Variants in APOL6 observed in about 807,000 individuals in gnomAD.
APOL6 encodes apolipoprotein L, 6.
In APOL6, 1 loss-of-function variant was observed where a neutral mutation model predicts 2.4. The ratio of observed to expected loss-of-function variants is 0.41; its 90% confidence interval spans 0.15 to 1.94. The LOEUF (loss-of-function observed/expected upper bound fraction) is 1.94, where lower values mean the gene tolerates loss of function less well. APOL6 is among the 30% of genes most tolerant of loss of function. APOL6 has a pLI of 0.30. For missense variants in APOL6, 438 were observed against 429.2 expected (o/e 1.02, Z -0.18); for synonymous variants, 189 against 169.3 (o/e 1.12, Z -0.90).
At chr22:35,651,554 C>T (rs914794403) in intron 1 of APOL6, among the ~76,000 whole-genome samples, 1 of 152,136 alleles carries the variant, frequency 6.6e-6, no homozygotes, top group South Asian at 2.1e-4. Context: ...CCACTCCCCC[C>T]ACCCCACAAC....
intron 1 of APOL6, among the ~76,000 whole-genome samples, chr22:35,652,344 G>T (rs1350270925): frequency 6.6e-6 from 1 of 151,762 alleles, no homozygotes; most frequent in Non-Finnish European, 1.5e-5. Context: ...CCATTCTGTA[G>T]GTTGCCTGTT....
intron 1 of APOL6, among the ~76,000 whole-genome samples, chr22:35,652,961 G>A (rs1402620090): frequency 6.6e-6 from 1 of 151,568 alleles, no homozygotes. Flanking sequence ...GATGGGGATG[G>A]CATTGAATCT....
chr22:35,656,333 T>C, intron 1 of APOL6, 46 bp from the exon 2 acceptor site: 1 of 1,445,512 alleles, frequency 6.9e-7, no homozygotes, highest in Admixed American at 1.7e-5. Flanking sequence ...TTTCATAAGG[T>C]TTCATCATAT....
At chr22:35,649,547 G>C (rs1924634015) in intron 1 of APOL6, among the ~76,000 whole-genome samples, 1 of 151,958 alleles carries the variant, frequency 6.6e-6, no homozygotes, top group Non-Finnish European at 1.5e-5. Flanking sequence ...TGTGGGGGAA[G>C]GCAGGTAAGG....
rs1164873211 is a variant in APOL6 at position 35,661,931 on chromosome 22, T to A, written c.*2335T>A. On this transcript the variant is annotated 3_prime_UTR_variant, in exon 3 of 3. Transcript: ENST00000409652. ...ATCAAACCATGGTTGTATATGCAGT[T>A]GACCGAAACATTGTTATTGGACACA... The A allele has an allele frequency of 6.6e-6, 1 of 152,236 alleles. No homozygotes were observed. The highest frequency in any genetic ancestry group is 1.9e-4 in the East Asian group (1 of 5,202). 9.4% of individuals were successfully genotyped at this position (152,236 alleles called of 1,614,324 possible).
rs367611703 is a variant in APOL6 at position 35,665,370 on chromosome 22, C to T, written c.*5774C>T. On this transcript the variant is annotated 3_prime_UTR_variant, in exon 3 of 3. Coordinates refer to ENST00000409652, the MANE Select transcript of APOL6 (RefSeq NM_030641.4). ...CGTAGAAGATGCCAATCAAAATAAA[C>T]TGCATTCCTGAGGCACTAGGCAAGA... The T allele has an allele frequency of 3.9e-5, 6 of 152,128 alleles. No homozygotes were observed. The highest frequency in any genetic ancestry group is 1.4e-4 in the African/African-American group (6 of 41,436). 9.4% of individuals were successfully genotyped at this position (152,128 alleles called of 1,614,324 possible). A position where few individuals can be genotyped will look rare whatever the true frequency, so the allele number is the denominator to read the frequency against.
rs945562769 is a variant in APOL6, at chr22:35,662,503, C to T, written c.*2907C>T. The T allele has an allele frequency of 2.0e-5, 3 of 152,186 alleles. No homozygotes were observed. The highest frequency in any genetic ancestry group is 4.4e-5 in the Non-Finnish European group (3 of 68,052). 9.4% of individuals were successfully genotyped at this position (152,186 alleles called of 1,614,324 possible). On this transcript the variant is annotated 3_prime_UTR_variant, in exon 3 of 3. Coordinates refer to ENST00000409652, the MANE Select transcript of APOL6 (RefSeq NM_030641.4). ...TAATCAGAAACTCAAAAGAATGCAA[C>T]TGTTTGTGTCTCACCTATCTGTGAC...
rs573158339 is a variant in APOL6, at chr22:35,663,569, G to C, written c.*3973G>C. On this transcript the variant is annotated 3_prime_UTR_variant, in exon 3 of 3. Transcript: ENST00000409652. ...CAGTTGACTGAATTCTGTTTTCACC[G>C]GATTTTTTGACTAAAATAGCTATTG... 2 of 145,602 alleles carry C rather than the reference G, an allele frequency of 1.4e-5. No homozygotes were observed. Among genetic ancestry groups the C allele is most frequent in the African/African-American group, 5.1e-5 (2 of 39,250 alleles). The allele number at this position is 145,602 out of a possible 1,614,324, so 9.0% of individuals were successfully genotyped here.
In APOL6 at chr22:35,659,148, C is replaced by T; in HGVS notation, c.584C>T (p.Pro195Leu). The T allele has an allele frequency of 6.2e-7, 1 of 1,614,180 alleles. No homozygotes were observed. The highest frequency in any genetic ancestry group is 8.5e-7 in the Non-Finnish European group (1 of 1,180,036). The part of the protein sequence containing the change: ...VRAFWKLRAN[P>L]RLANATKRLL... ...GCATTTTGGAAACTCAGAGCCAACC[C>T]ACGCTTGGCCAATGCTACCAAGCGT... The change falls in exon 3 of 3, where the codon CCA (proline) becomes CTA (leucine). Residue 195 changes from proline (P) to leucine (L), a missense_variant. Pro to Leu is a moderately conservative substitution (Grantham distance 98). Transcript: ENST00000409652.
In APOL6 at chr22:35,658,649, G is replaced by A; in HGVS notation, c.85G>A (p.Glu29Lys). ...TGACGCTCCTCTGTGTGAAGACGTG[G>A]AGCTACAAGACGGAGATCTGTCCCC... ...EDDAPLCEDVELQDGDLSPEE... is the reference protein window; with the variant it reads ...EDDAPLCEDVKLQDGDLSPEE... The change falls in exon 3 of 3, where the codon GAG (glutamate) becomes AAG (lysine). Residue 29 changes from glutamate to lysine, a missense_variant. Transcript: ENST00000409652. 1 of 1,613,848 alleles carries A rather than the reference G, an allele frequency of 6.2e-7. No individual in the cohort carries two copies. Among genetic ancestry groups the A allele is most frequent in the East Asian group, 2.2e-5 (1 of 44,884 alleles).
At chr22:35,649,792 A>G (rs1174598384) in intron 1 of APOL6, among the ~76,000 whole-genome samples, 2 of 152,094 alleles carry the variant, frequency 1.3e-5, no homozygotes, top group East Asian at 3.9e-4. Context: ...GGGGTTCCAG[A>G]CCAGAGTCTC....
chr22:35,651,113 C>T (rs958614348), intron 1 of APOL6, among the ~76,000 whole-genome samples: 2 of 151,960 alleles, frequency 1.3e-5, no homozygotes, highest in Non-Finnish European at 2.9e-5. Flanking sequence ...GACCAAGTAC[C>T]AAATGTAGAG....
rs1344350189 is a variant in APOL6, at chr22:35,667,789, T to C, written c.*8193T>C. The C allele has an allele frequency of 1.3e-5, 2 of 152,228 alleles. No individual in the cohort carries two copies. The highest frequency in any genetic ancestry group is 4.8e-5 in the African/African-American group (2 of 41,458). The allele number at this position is 152,228 out of a possible 1,614,324, so 9.4% of individuals were successfully genotyped here. On this transcript the variant is annotated 3_prime_UTR_variant, in exon 3 of 3. Transcript: ENST00000409652. Reference sequence around the variant, plus strand: ...GTGATTAGTGTTTTTGGTGTTGTTTTATTTTTTTTCTTACAGGAACTCTTG... The same window carrying C: ...GTGATTAGTGTTTTTGGTGTTGTTTCATTTTTTTTCTTACAGGAACTCTTG...
Position 35,653,498 on chromosome 22 carries a change from A to C in APOL6, c.-47-2881A>C, listed in dbSNP as rs1601865411. ...GCCAGTTTTCAAAGGGAATGCTTCC[A>C]GTTTTTGCCCATTCAGTATGATATT... On this transcript the variant is annotated intron_variant, in intron 1 of 2. Transcript: ENST00000409652. 3.3e-5 allele frequency among the ~76,000 whole-genome samples: 5 copies of C among 152,308 alleles called. No individual in the cohort carries two copies. The Middle Eastern group carries it at 0.017, about 518-fold the overall frequency.
Position 35,659,463 on chromosome 22 carries a change from C to A in APOL6, c.899C>A (p.Ala300Asp). ...KSLQQKVRSR[A>D]RGVGKDLTGT... ...TTGCAGCAGAAAGTGAGGTCAAGGG[C>A]CAGAGGGGTGGGGAAGGATTTAACT... The change falls in exon 3 of 3, where the codon GCC becomes GAC. Residue 300 changes from alanine to aspartate, a missense_variant. Transcript: ENST00000409652. The A allele has an allele frequency of 6.2e-7, 1 of 1,613,990 alleles. No homozygotes were observed. The highest frequency in any genetic ancestry group is 8.5e-7 in the Non-Finnish European group (1 of 1,180,004).
Position 35,666,175 on chromosome 22 carries a change from T to TA in APOL6, c.*6585dup, listed in dbSNP as rs1207956684. On this transcript the variant is annotated 3_prime_UTR_variant, in exon 3 of 3. Coordinates refer to ENST00000409652, the MANE Select transcript of APOL6 (RefSeq NM_030641.4). ...TTAAAATTATTGTGTGCCACAGAGG[T>TA]AAAAAATTTCCTTGTCAGTTTTGTC... 6.6e-6 allele frequency: 1 copy of TA among 152,206 alleles called. No individual in the cohort carries two copies. The highest frequency in any genetic ancestry group is 2.4e-5 in the African/African-American group (1 of 41,454). The allele number at this position is 152,206 out of a possible 1,614,324, so 9.4% of individuals were successfully genotyped here. A position where few individuals can be genotyped will look rare whatever the true frequency, so the allele number is the denominator to read the frequency against.
rs1157989635 is a variant in APOL6 at position 35,665,421 on chromosome 22, G to T, written c.*5825G>T. On this transcript the variant is annotated 3_prime_UTR_variant, in exon 3 of 3. Transcript: ENST00000409652. ...AATTAAAGCTATTCAACTCCTCAAG[G>T]CCCAGGGACTATTGCGGAAGAGGTG... 6.6e-6 allele frequency: 1 copy of T among 152,082 alleles called. No individual in the cohort carries two copies. Among genetic ancestry groups the T allele is most frequent in the South Asian group, 2.1e-4 (1 of 4,816 alleles). 9.4% of individuals were successfully genotyped at this position (152,082 alleles called of 1,614,324 possible).
chr22:35,656,552 A>G, intron 2 of APOL6, 77 bp downstream of exon 2: 1 of 1,534,948 alleles, frequency 6.5e-7, no homozygotes. Flanking sequence ...GATAAGGAAT[A>G]CATGTGCTCT....
intron 1 of APOL6, among the ~76,000 whole-genome samples, chr22:35,649,464 G>A (rs55900826): frequency 0.051 from 7,707 of 151,686 alleles, 524 homozygotes; most frequent in African/African-American, 0.15. Flanking sequence ...ATCTAGGGAG[G>A]TTATCTTGAA....
Sources: gnomAD v4.1 joint callset for allele counts (sites outside exome capture counted in the v4.1 genomes callset) on GRCh38, gnomAD v4.1.1 for gene constraint, MANE v1.5 for transcripts, NCBI Gene and HGNC (gene_info 2026-07-23, HGNC 2026-07-21) for gene names.